UMPS: variants seen among roughly 807,000 people sequenced by gnomAD.
UMPS encodes the protein uridine monophosphate synthetase, also known as uridine 5'-monophosphate synthase.
In UMPS, 21 loss-of-function variants were observed where a neutral mutation model predicts 38.9. That is an observed-to-expected ratio of 0.54 (90% CI 0.38 to 0.78). The LOEUF (loss-of-function observed/expected upper bound fraction) is 0.78, where lower values mean the gene tolerates loss of function less well. UMPS is among the 30% of genes least tolerant of loss of function. The probability of loss-of-function intolerance (pLI) is 0.00; values close to 1 mark genes in which losing one functional copy is unlikely to be tolerated. For synonymous variants in UMPS, 208 were observed against 219.3 expected, an observed-to-expected ratio of 0.95 and a Z score of 0.45; for missense variants, 533 against 591.6, an observed-to-expected ratio of 0.90 and a Z score of 1.03.
At chr3:124,738,276 A>C in intron 3 of UMPS, 37 bp downstream of exon 3, 1 of 1,603,880 alleles carries the variant, frequency 6.2e-7, no homozygotes, top group Non-Finnish European at 8.5e-7. Context: ...AGAATCAGAA[A>C]TCCAGCTTAA....
chr3:124,742,038 G>A, intron 4 of UMPS, 114 bp from the exon 5 acceptor site: 1 of 884,052 alleles, frequency 1.1e-6, no homozygotes. Flanking sequence ...AACATAGGGA[G>A]ACCTCATGTC....
chr3:124,742,120 T>C (rs1490099305), intron 4 of UMPS, 32 bp from the exon 5 acceptor site: 13 of 1,487,264 alleles, frequency 8.7e-6, no homozygotes, highest in African/African-American at 1.4e-5. Context: ...TTAACTGTTT[T>C]CTTATAATAT....
rs903255591 is a variant in UMPS at position 124,748,599 on chromosome 3, T to C, written c.*4515T>C. On this transcript the variant is annotated 3_prime_UTR_variant, in exon 6 of 6. Coordinates refer to ENST00000232607, the MANE Select transcript of UMPS (RefSeq NM_000373.4). ...CTCAGAGTCAGATCCTGGTGTGGGC[T>C]CTCACGTGCTGCTGCTGAATCCCAG... is the stretch of plus-strand genomic sequence containing the variant. 4 of 453,894 alleles carry C rather than the reference T, an allele frequency of 8.8e-6. 1 individual carries two copies. The highest frequency in any genetic ancestry group is 2.0e-5 in the African/African-American group (1 of 49,982). The allele number at this position is 453,894 out of a possible 1,614,324, so 28.1% of individuals were successfully genotyped here. A position where few individuals can be genotyped will look rare whatever the true frequency, so the allele number is the denominator to read the frequency against.
chr3:124,730,476 C>T lies in UMPS; in HGVS notation c.5C>T (p.Ala2Val). 1.9e-6 allele frequency: 3 copies of T among 1,614,084 alleles called. No individual in the cohort carries two copies. The highest frequency in any genetic ancestry group is 2.5e-6 in the Non-Finnish European group (3 of 1,179,950). ...GCAAACAGGCAGCGCGCGACAATGG[C>T]GGTCGCTCGTGCAGCTTTGGGGCCA... M[A>V]VARAALGPLV... The change falls in exon 1 of 6, where the codon GCG (alanine) becomes GTG (valine). Residue 2 changes from alanine (A) to valine (V), a missense_variant. Ala to Val is a moderately conservative substitution (Grantham distance 64, BLOSUM62 0). Coordinates refer to ENST00000232607, the MANE Select transcript of UMPS (RefSeq NM_000373.4).
intron 4 of UMPS, 87 bp from the exon 5 acceptor site, chr3:124,742,063 TTA>T: frequency 9.5e-7 from 1 of 1,056,204 alleles, no homozygotes; most frequent in Non-Finnish European, 1.4e-6. Flanking sequence ...TTTTTTTTTT[TTA>T]AGTTTTGAAA....
Position 124,748,287 on chromosome 3 carries a change from T to C in UMPS, c.*4203T>C, listed in dbSNP as rs1173615742. 1 of 453,878 alleles carries C rather than the reference T, an allele frequency of 2.2e-6. No individual in the cohort carries two copies. Among genetic ancestry groups the C allele is most frequent in the African/African-American group, 2.0e-5 (1 of 49,930 alleles). 28.1% of individuals were successfully genotyped at this position (453,878 alleles called of 1,614,324 possible). ...ATGCTGTTTTATTAAATGCGGATTT[T>C]ATTTTGGATTACAGGATGTAGAATG... On this transcript the variant is annotated 3_prime_UTR_variant, in exon 6 of 6. Coordinates refer to ENST00000232607, the MANE Select transcript of UMPS (RefSeq NM_000373.4).
intron 1 of UMPS, chr3:124,731,505 G>T (rs748175998): frequency 2.3e-6 from 1 of 437,570 alleles, no homozygotes; most frequent in Non-Finnish European, 4.6e-6. Context: ...TTATTTTTTA[G>T]ATGGGATCTC....
At chr3:124,732,788 G>C (rs1244349148) in intron 1 of UMPS, among the ~76,000 whole-genome samples, 1 of 152,200 alleles carries the variant, frequency 6.6e-6, no homozygotes, top group Non-Finnish European at 1.5e-5. Context: ...AAGTATTGAA[G>C]ATAGGTTGGA....
At position 124,745,569 on chromosome 3, in the gene UMPS, T is replaced by A. The variant is rs559437808; in HGVS notation, c.*1485T>A. 6.6e-6 allele frequency: 3 copies of A among 454,072 alleles called. No homozygotes were observed. Among genetic ancestry groups the A allele is most frequent in the South Asian group, 1.6e-5 (1 of 64,474 alleles). The allele number at this position is 454,072 out of a possible 1,614,324, so 28.1% of individuals were successfully genotyped here. ...TCCTGAAGTTTTTACTTCAAGAGCT[T>A]CTGCTCTAAAGTCCAATTTGGGCTT... On this transcript the variant is annotated 3_prime_UTR_variant, in exon 6 of 6. Coordinates refer to ENST00000232607, the MANE Select transcript of UMPS (RefSeq NM_000373.4).
intron 1 of UMPS, chr3:124,733,613 CT>C (rs1412811414): frequency 5.4e-6 from 1 of 186,730 alleles, no homozygotes; most frequent in East Asian, 1.2e-4. Context: ...AGTAATGTCC[CT>C]GACTGCTGCG....
Position 124,735,180 on chromosome 3 carries a change from G to C in UMPS, c.244G>C (p.Ala82Pro). 1.2e-6 allele frequency: 2 copies of C among 1,614,088 alleles called. No individual in the cohort carries two copies. The highest frequency in any genetic ancestry group is 2.2e-5 in the South Asian group (2 of 91,086). The change falls in exon 2 of 6, where the codon GCT becomes CCT. Residue 82 changes from alanine to proline, a missense_variant. Coordinates refer to ENST00000232607, the MANE Select transcript of UMPS (RefSeq NM_000373.4). Reference sequence around the variant, plus strand: ...AGTGCCTTATACAGCTTTGCCATTGGCTACAGTTATCTGTTCAACCAATCA... The same window carrying C: ...AGTGCCTTATACAGCTTTGCCATTGCCTACAGTTATCTGTTCAACCAATCA... ...CGVPYTALPL[A>P]TVICSTNQIP...
intron 2 of UMPS, among the ~76,000 whole-genome samples, chr3:124,735,969 C>T (rs1275566687): frequency 6.7e-6 from 1 of 149,294 alleles, no homozygotes; most frequent in Admixed American, 6.7e-5. Context: ...AAAGTGAGAC[C>T]CTATTTCAAA....
In UMPS at chr3:124,735,182, T is replaced by C. The variant is rs1235086509; in HGVS notation, c.246T>C (p.Ala82=). Residue 82 remains alanine, a synonymous_variant, in exon 2 of 6, where the codon GCT becomes GCC. Coordinates refer to ENST00000232607, the MANE Select transcript of UMPS (RefSeq NM_000373.4). ...TGCCTTATACAGCTTTGCCATTGGCTACAGTTATCTGTTCAACCAATCAAA... is the reference window on the plus strand; with the variant it reads ...TGCCTTATACAGCTTTGCCATTGGCCACAGTTATCTGTTCAACCAATCAAA... ...CGVPYTALPL[A]TVICSTNQIP... 6.2e-7 allele frequency: 1 copy of C among 1,614,052 alleles called. No individual in the cohort carries two copies. The highest frequency in any genetic ancestry group is 1.3e-5 in the African/African-American group (1 of 74,932).
chr3:124,740,561 C>A (rs905068296), intron 4 of UMPS, among the ~76,000 whole-genome samples: 1 of 152,180 alleles, frequency 6.6e-6, no homozygotes. Flanking sequence ...CTCAGAATCT[C>A]CCAAGTCCTA....
chr3:124,735,267 A>G, intron 2 of UMPS, 21 bp downstream of exon 2: 1 of 1,598,878 alleles, frequency 6.3e-7, no homozygotes, highest in Non-Finnish European at 8.6e-7. Flanking sequence ...AGTAACATAA[A>G]GCATGAAGTT....
At position 124,740,009 on chromosome 3, in the gene UMPS, C is replaced by A; in HGVS notation, c.983-15C>A. The A allele has an allele frequency of 1.2e-6, 2 of 1,613,640 alleles. No individual in the cohort carries two copies. The highest frequency in any genetic ancestry group is 1.7e-6 in the Non-Finnish European group (2 of 1,179,736). ...TTGAAAATCAGCAAATATCTTTTTTCCCCCTTCTTCTTAGGAGGTATCTTT... is the reference window on the plus strand; with the variant it reads ...TTGAAAATCAGCAAATATCTTTTTTACCCCTTCTTCTTAGGAGGTATCTTT... On this transcript the variant is annotated splice_polypyrimidine_tract_variant and intron_variant, in intron 3 of 5. Transcript: ENST00000232607.
At chr3:124,730,652 C>G in intron 1 of UMPS, 25 bp downstream of exon 1, 2 of 1,607,236 alleles carry the variant, frequency 1.2e-6, no homozygotes, top group South Asian at 2.2e-5. Flanking sequence ...AGGGAAAGGA[C>G]AGGGCTTGGT....
At chr3:124,735,392 A>G (rs965069401) in intron 2 of UMPS, 146 bp downstream of exon 2, 18 of 792,134 alleles carry the variant, frequency 2.3e-5, no homozygotes, top group Admixed American at 1.4e-4. Flanking sequence ...AATTGTTACT[A>G]TAAGTCACCT....
rs902739089 is a variant in UMPS, at chr3:124,744,594, G to T, written c.*510G>T. The T allele has an allele frequency of 8.8e-6, 4 of 453,818 alleles. No homozygotes were observed. The highest frequency in any genetic ancestry group is 1.8e-5 in the Non-Finnish European group (4 of 226,680). The allele number at this position is 453,818 out of a possible 1,614,324, so 28.1% of individuals were successfully genotyped here. ...CATCTAAATTTCTTTATTATTTGTA[G>T]AGATGAGGTCTTGCCATGTTACCCA... On this transcript the variant is annotated 3_prime_UTR_variant, in exon 6 of 6. Transcript: ENST00000232607.
Sources: allele counts gnomAD v4.1 joint callset (sites outside exome capture counted in the v4.1 genomes callset), GRCh38; gene constraint gnomAD v4.1.1; transcripts MANE v1.5; gene names NCBI Gene and HGNC (gene_info 2026-07-23, HGNC 2026-07-21).